EYS: variants seen among roughly 807,000 people sequenced by gnomAD.
EYS encodes EGF-like photoreceptor maintenance factor.
Under a neutral mutation model 282.1 loss-of-function variants are expected in EYS, and 250 were observed. The observed-to-expected ratio is 0.89, with a 90% CI of 0.80 to 0.98. The LOEUF (loss-of-function observed/expected upper bound fraction) is 0.98. Among genes scored for constraint, EYS ranks in the 50% least tolerant of loss-of-function variants. EYS has a pLI of 0.00. For missense variants in EYS, 4,016 were observed against 3,709.0 expected (o/e 1.08, Z -2.15); for synonymous variants, 1,355 against 1,282.9 (o/e 1.06, Z -1.20).
At position 64,639,391 on chromosome 6, in the gene EYS, C is replaced by T. The variant is rs1044157889; in HGVS notation, c.3444-13146G>A. On this transcript the variant is annotated intron_variant, in intron 22 of 42. Transcript: ENST00000503581. The stretch of plus-strand genomic sequence containing the variant: ...CATCTCTTTTTTCATCAATTTGTGG[C>T]TTTTAAAATCATGCTCAGTTATAAG... Among the ~76,000 whole-genome samples the T allele has an allele frequency of 2.2e-5, 2 of 90,894 alleles. 1 individual carries two copies. The highest frequency in any genetic ancestry group is 9.1e-4 in the South Asian group (2 of 2,202). The allele number at this position is 90,894 out of a possible 152,430, so 59.6% of individuals were successfully genotyped here. A position where few individuals can be genotyped will look rare whatever the true frequency, so the allele number is the denominator to read the frequency against.
Position 65,142,544 on chromosome 6 carries a change from T to C in EYS, c.2024-84817A>G, listed in dbSNP as rs562938177. On this transcript the variant is annotated intron_variant, in intron 12 of 42. Coordinates refer to ENST00000503581, the MANE Select transcript of EYS (RefSeq NM_001142800.2). ...CAGAGTTCCAATACTAATTTCTTGA[T>C]TTCATAATAGTACTATAGCAGATGT... 2.7e-5 allele frequency among the ~76,000 whole-genome samples: 4 copies of C among 150,320 alleles called. No homozygotes were observed. The South Asian group carries it at 6.3e-4, about 24-fold the overall frequency.
intron 14 of EYS, among the ~76,000 whole-genome samples, chr6:64,997,010 G>C (rs1242601410): frequency 6.6e-6 from 1 of 152,146 alleles, no homozygotes; most frequent in African/African-American, 2.4e-5. Flanking sequence ...GGCTTTGTGA[G>C]AAATGAGGAG....
At chr6:65,292,183 G>T (rs1768545675) in intron 12 of EYS, among the ~76,000 whole-genome samples, 1 of 151,502 alleles carries the variant, frequency 6.6e-6, no homozygotes, top group African/African-American at 2.4e-5. Flanking sequence ...CTCCTCTTAG[G>T]CATAAATTAC....
chr6:64,355,072 T>C (rs1366161640), intron 29 of EYS, among the ~76,000 whole-genome samples: 2 of 151,604 alleles, frequency 1.3e-5, no homozygotes, highest in Admixed American at 1.3e-4. Context: ...ATCTAGTCTT[T>C]CACTAAGTAA....
At chr6:65,419,735 T>C (rs560123443) in intron 5 of EYS, among the ~76,000 whole-genome samples, 1 of 152,074 alleles carries the variant, frequency 6.6e-6, no homozygotes, top group Admixed American at 6.6e-5. Context: ...ATTTTAAATT[T>C]TGTTTATACT....
chr6:64,632,047 G>A (rs1360713161), intron 22 of EYS, among the ~76,000 whole-genome samples: 1 of 129,732 alleles, frequency 7.7e-6, no homozygotes, highest in African/African-American at 2.9e-5. Flanking sequence ...TTTAATAATT[G>A]TCAAGGAAGG....
At chr6:64,739,421 C>G (rs561326716) in intron 22 of EYS, among the ~76,000 whole-genome samples, 1 of 152,258 alleles carries the variant, frequency 6.6e-6, no homozygotes, top group East Asian at 1.9e-4. Flanking sequence ...GCAGGTTTTT[C>G]TTTAAAGACT....
intron 30 of EYS, among the ~76,000 whole-genome samples, chr6:64,285,284 A>G (rs578096134): frequency 6.6e-6 from 1 of 151,784 alleles, no homozygotes; most frequent in Admixed American, 6.6e-5. Context: ...TTTACCACTT[A>G]GAAATTTCTT....
rs566438539 is a variant in EYS at position 64,888,452 on chromosome 6, A to G, written c.2847-1610T>C. On this transcript the variant is annotated intron_variant, in intron 18 of 42. Coordinates refer to ENST00000503581, the MANE Select transcript of EYS (RefSeq NM_001142800.2). ...CAACACAACAAAACAACACATAAAT[A>G]TATCAATTATGTGTAAATGAAAAAT... Among the ~76,000 whole-genome samples the G allele has an allele frequency of 2.6e-5, 4 of 152,140 alleles. No homozygotes were observed. The South Asian group carries it at 8.3e-4, about 31-fold the overall frequency.
At chr6:65,071,506 A>T (rs1360249109) in intron 12 of EYS, among the ~76,000 whole-genome samples, 2 of 151,836 alleles carry the variant, frequency 1.3e-5, no homozygotes, top group Non-Finnish European at 2.9e-5. Flanking sequence ...GATCAACTAG[A>T]TAATAAAATT....
At chr6:63,915,402 C>A (rs1016041046) in intron 35 of EYS, among the ~76,000 whole-genome samples, 2 of 152,192 alleles carry the variant, frequency 1.3e-5, no homozygotes, top group African/African-American at 4.8e-5. Flanking sequence ...AATACTGCTA[C>A]TCATTGACAA....
chr6:64,739,086 G>A (rs1243821359), intron 22 of EYS, among the ~76,000 whole-genome samples: 1 of 152,122 alleles, frequency 6.6e-6, no homozygotes, highest in Non-Finnish European at 1.5e-5. Flanking sequence ...GTTTGTACAA[G>A]AGTGTCCTTT....
At chr6:64,996,622 T>C (rs530632904) in intron 14 of EYS, among the ~76,000 whole-genome samples, 31 of 151,784 alleles carry the variant, frequency 2.0e-4, no homozygotes, top group South Asian at 4.2e-4. Context: ...GAAAAGTGGC[T>C]AGACAACCTC....
chr6:64,496,121 A>G (rs1474811232), intron 26 of EYS, among the ~76,000 whole-genome samples: 4 of 151,860 alleles, frequency 2.6e-5, no homozygotes, highest in African/African-American at 9.7e-5. Flanking sequence ...TAGGGTGTCC[A>G]CAGCTAGGAA....
At chr6:64,990,899 G>T (rs370294172) in intron 14 of EYS, among the ~76,000 whole-genome samples, 13 of 151,548 alleles carry the variant, frequency 8.6e-5, no homozygotes, top group East Asian at 7.8e-4. Context: ...CTTTTATTTT[G>T]CATGTAATCC....
intron 12 of EYS, among the ~76,000 whole-genome samples, chr6:65,247,654 T>G (rs144649804): frequency 2.6e-5 from 4 of 152,142 alleles, no homozygotes; most frequent in Non-Finnish European, 2.9e-5. Context: ...CTAACCTAAT[T>G]ACCAGACACC....
At chr6:64,798,857 C>G (rs1774446562) in intron 22 of EYS, among the ~76,000 whole-genome samples, 1 of 151,882 alleles carries the variant, frequency 6.6e-6, no homozygotes, top group Admixed American at 6.6e-5. Flanking sequence ...TCTACTCCCA[C>G]ATTTAATCAA....
intron 11 of EYS, among the ~76,000 whole-genome samples, chr6:65,297,092 T>C (rs1403497359): frequency 1.3e-5 from 2 of 151,468 alleles, no homozygotes; most frequent in African/African-American, 4.8e-5. Context: ...TTATAAGTTA[T>C]TAATATAAAT....
At chr6:64,889,888 G>T (rs2150065087) in intron 18 of EYS, among the ~76,000 whole-genome samples, 1 of 152,164 alleles carries the variant, frequency 6.6e-6, no homozygotes, top group South Asian at 2.1e-4. Flanking sequence ...GAATAAGAGA[G>T]ATAACCTTAA....
Sources: gnomAD v4.1 joint callset for allele counts (sites outside exome capture counted in the v4.1 genomes callset) on GRCh38, gnomAD v4.1.1 for gene constraint, MANE v1.5 for transcripts, NCBI Gene and HGNC (gene_info 2026-07-23, HGNC 2026-07-21) for gene names.